FOXN3: variants seen among roughly 807,000 people sequenced by gnomAD.
FOXN3 encodes the protein forkhead box protein N3.
Under a neutral mutation model 38.4 loss-of-function variants are expected in FOXN3, and 7 were observed. The observed-to-expected ratio is 0.18, with a 90% CI of 0.10 to 0.34. The LOEUF is 0.34. FOXN3 is among the 10% of genes least tolerant of loss of function. FOXN3 has a pLI of 1.00. For synonymous variants in FOXN3, 230 were observed against 242.2 expected (o/e 0.95, Z 0.47); for missense variants, 456 against 613.4 (o/e 0.74, Z 2.71).
intron 1 of FOXN3, among the ~76,000 whole-genome samples, chr14:89,552,846 G>A (rs1437590526): frequency 2.0e-5 from 3 of 152,106 alleles, no homozygotes; most frequent in Admixed American, 6.6e-5. Context: ...AGCCAAGATC[G>A]CACCACAACA....
chr14:89,344,050 C>G (rs1268690251), intron 3 of FOXN3, among the ~76,000 whole-genome samples: 1 of 152,196 alleles, frequency 6.6e-6, no homozygotes, highest in African/African-American at 2.4e-5. Flanking sequence ...GCGTGAGCCA[C>G]CGCATCGAGC....
intron 1 of FOXN3, among the ~76,000 whole-genome samples, chr14:89,608,104 G>A (rs530844402): frequency 2.9e-4 from 44 of 152,136 alleles, no homozygotes; most frequent in African/African-American, 1.0e-3. Context: ...TCAGCCTCCC[G>A]AGTACCTGGG....
intron 4 of FOXN3, chr14:89,230,735 C>CCG: frequency 2.8e-6 from 1 of 360,700 alleles, no homozygotes; most frequent in Non-Finnish European, 5.7e-6. Flanking sequence ...ACGACAGGCG[C>CCG]CACACACTCT....
chr14:89,561,548 G>A (rs1351404938), intron 1 of FOXN3, among the ~76,000 whole-genome samples: 1 of 152,218 alleles, frequency 6.6e-6, no homozygotes, highest in Non-Finnish European at 1.5e-5. Flanking sequence ...AAATATGGTA[G>A]CAGAGGAGGG....
intron 1 of FOXN3, among the ~76,000 whole-genome samples, chr14:89,424,937 C>G (rs1398912125): frequency 1.3e-5 from 2 of 152,220 alleles, no homozygotes; most frequent in South Asian, 2.1e-4. Context: ...GCTACTAATG[C>G]TTCTCCTGCC....
At chr14:89,499,471 T>G (rs2139786778) in intron 1 of FOXN3, among the ~76,000 whole-genome samples, 1 of 152,228 alleles carries the variant, frequency 6.6e-6, no homozygotes, top group Middle Eastern at 3.4e-3. Flanking sequence ...TTTTGATTTT[T>G]TTTTTTTTTG....
chr14:89,303,808 G>A (rs907059790), intron 3 of FOXN3, among the ~76,000 whole-genome samples: 4 of 152,216 alleles, frequency 2.6e-5, no homozygotes, highest in Non-Finnish European at 5.9e-5. Flanking sequence ...AACAGACATT[G>A]AGGACAGTCC....
At chr14:89,375,829 G>A (rs1008283417) in intron 2 of FOXN3, among the ~76,000 whole-genome samples, 1 of 152,034 alleles carries the variant, frequency 6.6e-6, no homozygotes, top group African/African-American at 2.4e-5. Flanking sequence ...GGATGCAATG[G>A]CGCAATCTTG....
chr14:89,194,912 T>A (rs1043163998), intron 4 of FOXN3, among the ~76,000 whole-genome samples: 7 of 152,192 alleles, frequency 4.6e-5, no homozygotes, highest in East Asian at 1.9e-4. Context: ...TCTATTTTTT[T>A]AAAAAATAGC....
At chr14:89,579,150 ATT>A (rs35744248) in intron 1 of FOXN3, among the ~76,000 whole-genome samples, 27,273 of 127,684 alleles carry the variant, frequency 0.21, 7,533 homozygotes, top group African/African-American at 0.66. Flanking sequence ...ATGCCCAGCC[ATT>A]TTTTTTTTTT....
intron 5 of FOXN3, among the ~76,000 whole-genome samples, chr14:89,168,471 A>T (rs1049736810): frequency 6.6e-6 from 1 of 152,074 alleles, no homozygotes; most frequent in African/African-American, 2.4e-5. Context: ...CCTCAAAAAT[A>T]AATTAATTAA....
rs561362153 is a variant in FOXN3 at position 89,460,943 on chromosome 14, G to A, written c.-14-48453C>T. On this transcript the variant is annotated intron_variant, in intron 1 of 6. Transcript: ENST00000345097. The stretch of plus-strand genomic sequence containing the variant: ...CTCAGGAGGGTGAGGCAGGAGAATC[G>A]CTTGAACCCAGGAGGAGGAGGTTGC... Among the ~76,000 whole-genome samples, 5 of 150,846 alleles carry A rather than the reference G, an allele frequency of 3.3e-5. No individual in the cohort carries two copies. The South Asian group carries it at 8.4e-4, about 25-fold the overall frequency.
chr14:89,194,825 G>A (rs1353879994), intron 4 of FOXN3, among the ~76,000 whole-genome samples: 1 of 151,412 alleles, frequency 6.6e-6, no homozygotes. Flanking sequence ...TTATGTATGT[G>A]AAAATAAGCA....
intron 1 of FOXN3, among the ~76,000 whole-genome samples, chr14:89,422,414 G>A (rs1891933461): frequency 6.6e-6 from 1 of 152,198 alleles, no homozygotes; most frequent in Non-Finnish European, 1.5e-5. Flanking sequence ...AGAAGAGTCA[G>A]TGAGACTGGA....
intron 4 of FOXN3, among the ~76,000 whole-genome samples, chr14:89,191,414 A>T (rs369666709): frequency 4.6e-5 from 7 of 152,116 alleles, no homozygotes; most frequent in Non-Finnish European, 1.0e-4. Context: ...TGTCCAAATA[A>T]ATGAAGTGTG....
chr14:89,193,096 T>A (rs1888004237), intron 4 of FOXN3, among the ~76,000 whole-genome samples: 1 of 152,042 alleles, frequency 6.6e-6, no homozygotes, highest in South Asian at 2.1e-4. Flanking sequence ...AAAAACGATT[T>A]TTTCCTGCCA....
At chr14:89,242,858 A>G (rs1345559087) in intron 4 of FOXN3, among the ~76,000 whole-genome samples, 1 of 152,234 alleles carries the variant, frequency 6.6e-6, no homozygotes, top group African/African-American at 2.4e-5. Flanking sequence ...ACCCCAAACC[A>G]AAACACTCTC....
At chr14:89,502,068 C>T (rs1037121016) in intron 1 of FOXN3, among the ~76,000 whole-genome samples, 1 of 149,300 alleles carries the variant, frequency 6.7e-6, no homozygotes, top group African/African-American at 2.5e-5. Context: ...CGCGGGAGGC[C>T]TAAGCAGGGG....
intron 1 of FOXN3, among the ~76,000 whole-genome samples, chr14:89,515,040 C>T (rs1894174725): frequency 1.3e-5 from 2 of 152,088 alleles, no homozygotes; most frequent in South Asian, 4.1e-4. Flanking sequence ...CTGCCTCAGC[C>T]TCCAGAGTAG....
Sources: allele counts gnomAD v4.1 joint callset (sites outside exome capture counted in the v4.1 genomes callset), GRCh38; gene constraint gnomAD v4.1.1; transcripts MANE v1.5; gene names NCBI Gene and HGNC (gene_info 2026-07-23, HGNC 2026-07-21).